TTBK2: variants seen among roughly 807,000 people sequenced by gnomAD.
TTBK2 encodes tau tubulin kinase 2.
A neutral mutation model predicts 110.8 loss-of-function variants in TTBK2; 28 were observed. The ratio of observed to expected loss-of-function variants is 0.25; its 90% confidence interval spans 0.19 to 0.35. TTBK2 has a LOEUF of 0.35. Among genes scored for constraint, TTBK2 ranks in the 10% least tolerant of loss-of-function variants. The probability of loss-of-function intolerance (pLI) is 1.00; values close to 1 mark genes in which losing one functional copy is unlikely to be tolerated. For synonymous variants in TTBK2, 532 were observed against 527.3 expected (o/e 1.01, Z -0.12); for missense variants, 1,369 against 1,500.3 (o/e 0.91, Z 1.45).
chr15:42,798,584 T>G (rs1891045106), intron 9 of TTBK2, among the ~76,000 whole-genome samples: 1 of 152,186 alleles, frequency 6.6e-6, no homozygotes, highest in Non-Finnish European at 1.5e-5. Context: ...TATTACAATA[T>G]TTCATAATAC....
chr15:42,826,015 A>T (rs1019570212), intron 6 of TTBK2, among the ~76,000 whole-genome samples: 1 of 149,952 alleles, frequency 6.7e-6, no homozygotes, highest in Non-Finnish European at 1.5e-5. Flanking sequence ...ACTCTTTTGG[A>T]ATATATATAT....
At chr15:42,749,476 C>G (rs2140573296) in intron 14 of TTBK2, among the ~76,000 whole-genome samples, 1 of 152,338 alleles carries the variant, frequency 6.6e-6, no homozygotes, top group Admixed American at 6.5e-5. Context: ...GGCCCCATGG[C>G]AGGCAGCTGT....
At chr15:42,910,771 C>T (rs571498618) in intron 1 of TTBK2, among the ~76,000 whole-genome samples, 20 of 152,204 alleles carry the variant, frequency 1.3e-4, no homozygotes, top group African/African-American at 4.8e-4. Context: ...AGGGGCCTGG[C>T]GCAGTGGCTC....
At chr15:42,786,168 A>G (rs1168081236) in intron 10 of TTBK2, among the ~76,000 whole-genome samples, 1 of 152,240 alleles carries the variant, frequency 6.6e-6, no homozygotes, top group Admixed American at 6.5e-5. Flanking sequence ...GTAAAGTAGT[A>G]TCTGTAGTTC....
At chr15:42,836,532 T>C in intron 4 of TTBK2, among the ~76,000 whole-genome samples, 1 of 152,126 alleles carries the variant, frequency 6.6e-6, no homozygotes. Flanking sequence ...GAAAAAAATA[T>C]AGCATGCAAT....
intron 10 of TTBK2, among the ~76,000 whole-genome samples, chr15:42,790,792 C>T (rs1191736962): frequency 6.6e-6 from 1 of 151,686 alleles, no homozygotes; most frequent in Non-Finnish European, 1.5e-5. Context: ...CTCTGCCTCA[C>T]AGGTTCAAGC....
chr15:42,764,411 T>C (rs111357761), intron 13 of TTBK2, among the ~76,000 whole-genome samples: 18,365 of 152,270 alleles, frequency 0.12, 2,942 homozygotes, highest in African/African-American at 0.37. Context: ...CCAAATACTG[T>C]GCTTTTCCAA....
Position 42,902,216 on chromosome 15 carries a change from CA to C in TTBK2, c.-68+18221del, listed in dbSNP as rs749777927. On this transcript the variant is annotated intron_variant, in intron 1 of 14. Transcript: ENST00000267890. ...GGGCAACAGAGCGAGACTCCATCTCCAAAAAAAAAAAAAACCAACCACCGCC... is the reference window on the plus strand; with the variant it reads ...GGGCAACAGAGCGAGACTCCATCTCCAAAAAAAAAAAAACCAACCACCGCC... Among the ~76,000 whole-genome samples, 738 of 104,122 alleles carry C rather than the reference CA, an allele frequency of 7.1e-3. 3 individuals are homozygous for C. Among genetic ancestry groups the C allele is most frequent in the African/African-American group, 0.022 (609 of 27,830 alleles). The allele number at this position is 104,122 out of a possible 152,430, so 68.3% of individuals were successfully genotyped here. A position where few individuals can be genotyped will look rare whatever the true frequency, so the allele number is the denominator to read the frequency against.
chr15:42,809,283 TAA>T (rs1045225927), intron 9 of TTBK2, among the ~76,000 whole-genome samples: 1 of 152,252 alleles, frequency 6.6e-6, no homozygotes, highest in African/African-American at 2.4e-5. Flanking sequence ...GTTTTGTTAT[TAA>T]GTGATAGAAA....
Position 42,850,230 on chromosome 15 carries a change from C to T in TTBK2, c.218-9797G>A, listed in dbSNP as rs1893641595. Among the ~76,000 whole-genome samples, 7 of 152,208 alleles carry T rather than the reference C, an allele frequency of 4.6e-5. No homozygotes were observed. In the South Asian group the frequency reaches 1.4e-3, roughly 32 times the overall value. On this transcript the variant is annotated intron_variant, in intron 3 of 14. Transcript: ENST00000267890. ...AAAAAGAGAGAAAGATGTAGGATTT[C>T]CATGCTTTCTCTGGGCATTAGGAGA...
intron 2 of TTBK2, among the ~76,000 whole-genome samples, chr15:42,875,776 C>T (rs1379001681): frequency 6.6e-6 from 1 of 151,956 alleles, no homozygotes; most frequent in African/African-American, 2.4e-5. Flanking sequence ...TGTGATGGCG[C>T]GTGCCTGTAA....
chr15:42,914,381 A>C (rs2030967522), intron 1 of TTBK2, among the ~76,000 whole-genome samples: 1 of 152,194 alleles, frequency 6.6e-6, no homozygotes, highest in Non-Finnish European at 1.5e-5. Context: ...AATCACCGAT[A>C]AGCTGCTGGA....
At position 42,745,505 on chromosome 15, in the gene TTBK2, T is replaced by C. The variant is rs546048374; in HGVS notation, c.*290A>G. ...TTCTATCTCCTATCCTCAACTCTTTTGTTTCAAAGGCAGCTTAAAAAATGA... is the reference window on the plus strand; with the variant it reads ...TTCTATCTCCTATCCTCAACTCTTTCGTTTCAAAGGCAGCTTAAAAAATGA... On this transcript the variant is annotated 3_prime_UTR_variant, in exon 15 of 15. Transcript: ENST00000267890. The C allele has an allele frequency of 9.1e-5, 39 of 429,696 alleles. 1 individual carries two copies. The South Asian group carries it at 9.3e-4, about 10-fold the overall frequency. 26.6% of individuals were successfully genotyped at this position (429,696 alleles called of 1,614,324 possible). A position where few individuals can be genotyped will look rare whatever the true frequency, so the allele number is the denominator to read the frequency against.
intron 1 of TTBK2, 96 bp from the exon 2 acceptor site, chr15:42,878,780 C>T (rs1894925762): frequency 1.4e-6 from 2 of 1,436,416 alleles, no homozygotes; most frequent in Non-Finnish European, 1.9e-6. Context: ...TAATACTATA[C>T]ACTAATTAGG....
At chr15:42,851,311 AT>A (rs1350440827) in intron 3 of TTBK2, among the ~76,000 whole-genome samples, 1 of 151,836 alleles carries the variant, frequency 6.6e-6, no homozygotes, top group Non-Finnish European at 1.5e-5. Flanking sequence ...CACTCTGGGT[AT>A]AAGCCCAACA....
intron 3 of TTBK2, among the ~76,000 whole-genome samples, chr15:42,853,751 C>T (rs143916780): frequency 6.6e-6 from 1 of 152,022 alleles, no homozygotes; most frequent in African/African-American, 2.4e-5. Flanking sequence ...AATAAACGAG[C>T]ACACCTGTAA....
At chr15:42,903,615 A>C (rs2030197401) in intron 1 of TTBK2, among the ~76,000 whole-genome samples, 1 of 152,212 alleles carries the variant, frequency 6.6e-6, no homozygotes, top group Admixed American at 6.5e-5. Flanking sequence ...GACTTGTCCC[A>C]ATTAGGAACC....
At chr15:42,781,439 T>G (rs77184506) in intron 11 of TTBK2, among the ~76,000 whole-genome samples, 8,496 of 152,152 alleles carry the variant, frequency 0.056, 672 homozygotes, top group African/African-American at 0.17. Context: ...TTCTGCTGCT[T>G]CTTTTTCTAC....
At chr15:42,896,553 G>A (rs935417355) in intron 1 of TTBK2, among the ~76,000 whole-genome samples, 2 of 152,132 alleles carry the variant, frequency 1.3e-5, no homozygotes, top group African/African-American at 4.8e-5. Flanking sequence ...TTGGGAGGCT[G>A]AGGAAGGACT....
Sources: allele counts gnomAD v4.1 joint callset (sites outside exome capture counted in the v4.1 genomes callset), GRCh38; gene constraint gnomAD v4.1.1; transcripts MANE v1.5; gene names NCBI Gene and HGNC (gene_info 2026-07-23, HGNC 2026-07-21).